The following GK5 variants were observed in gnomAD, a reference collection of about 807,000 sequenced individuals.
GK5 encodes glycerol kinase 5, also known as ATP:glycerol 3-phosphotransferase 5.
A neutral mutation model predicts 77.3 loss-of-function variants in GK5; 39 were observed. The ratio of observed to expected loss-of-function variants is 0.50; its 90% CI spans 0.39 to 0.66. The LOEUF is 0.66. GK5 is among the 30% of genes least tolerant of loss of function. The pLI, the probability that GK5 is intolerant of heterozygous loss-of-function variation, is 0.00. For synonymous variants in GK5, 211 were observed against 208.0 expected, an observed-to-expected ratio of 1.01 and a Z score of -0.13; for missense variants, 487 against 633.8, an observed-to-expected ratio of 0.77 and a Z score of 2.49.
chr3:142,190,085 T>C (rs2063827594), intron 5 of GK5, among the ~76,000 whole-genome samples: 2 of 152,022 alleles, frequency 1.3e-5, no homozygotes, highest in Non-Finnish European at 2.9e-5. Context: ...GCTAATTATA[T>C]GGGAAAAAAT....
chr3:142,199,043 T>A, intron 4 of GK5, 110 bp from the exon 5 acceptor site: 1 of 686,956 alleles, frequency 1.5e-6, no homozygotes, highest in Non-Finnish European at 2.3e-6. Flanking sequence ...TTTAACTACT[T>A]ATAATAGTGT....
At chr3:142,188,138 T>C (rs1370848479) in intron 5 of GK5, among the ~76,000 whole-genome samples, 1 of 152,178 alleles carries the variant, frequency 6.6e-6, no homozygotes, top group Non-Finnish European at 1.5e-5. Context: ...GGCTCACGCC[T>C]GTAATCCCAG....
intron 11 of GK5, among the ~76,000 whole-genome samples, chr3:142,180,389 A>G (rs1187881737): frequency 2.0e-5 from 3 of 147,736 alleles, no homozygotes; most frequent in African/African-American, 7.5e-5. Context: ...CACAACCTCC[A>G]CCTCCTGGGT....
intron 3 of GK5, among the ~76,000 whole-genome samples, chr3:142,208,875 C>T (rs7625231): frequency 0.042 from 6,409 of 152,214 alleles, 455 homozygotes; most frequent in African/African-American, 0.15. Flanking sequence ...AGAGGCCGGG[C>T]GTGGTGGCTC....
intron 11 of GK5, 77 bp from the exon 12 acceptor site, chr3:142,177,653 C>A (rs1045667180): frequency 3.6e-5 from 29 of 813,128 alleles, no homozygotes; most frequent in Non-Finnish European, 4.2e-6. Flanking sequence ...AATTATGTTA[C>A]ATGATAGTAT....
At chr3:142,184,819 G>C in intron 9 of GK5, 2 of 969,620 alleles carry the variant, frequency 2.1e-6, no homozygotes, top group Non-Finnish European at 2.5e-6. Context: ...TCCAGTCTGG[G>C]AGACAAGAGT....
At chr3:142,186,591 C>G in intron 6 of GK5, 78 bp from the exon 7 acceptor site, 1 of 556,068 alleles carries the variant, frequency 1.8e-6, no homozygotes, top group East Asian at 3.3e-5. Flanking sequence ...TAATATAGAC[C>G]TTTGTCTACC....
intron 5 of GK5, among the ~76,000 whole-genome samples, chr3:142,188,047 T>C (rs1473663819): frequency 6.6e-6 from 1 of 152,068 alleles, no homozygotes. Flanking sequence ...GTTACTTTTG[T>C]GTTTTTTGTT....
chr3:142,186,610 C>A (rs2063774889), intron 6 of GK5, 97 bp from the exon 7 acceptor site: 3 of 463,078 alleles, frequency 6.5e-6, no homozygotes, highest in Non-Finnish European at 1.1e-5. Context: ...CCCTCAAATT[C>A]ATTCCAAAAT....
chr3:142,206,869 T>A (rs1037189441), intron 3 of GK5, among the ~76,000 whole-genome samples: 4 of 152,158 alleles, frequency 2.6e-5, no homozygotes, highest in African/African-American at 9.7e-5. Context: ...ATTGGAAAAA[T>A]TATTCTTCAA....
At chr3:142,170,119 G>A in intron 15 of GK5, 1 of 648,300 alleles carries the variant, frequency 1.5e-6, no homozygotes, top group Non-Finnish European at 2.8e-6. Context: ...GACTGAAGGG[G>A]TGAGGTGAGG....
At chr3:142,211,796 C>T (rs952729173) in intron 3 of GK5, among the ~76,000 whole-genome samples, 2 of 152,020 alleles carry the variant, frequency 1.3e-5, no homozygotes, top group Non-Finnish European at 2.9e-5. Context: ...CCTCATCCCC[C>T]AAAAATGAAA....
At chr3:142,198,479 T>C (rs2063968835) in intron 5 of GK5, among the ~76,000 whole-genome samples, 1 of 152,084 alleles carries the variant, frequency 6.6e-6, no homozygotes, top group Non-Finnish European at 1.5e-5. Flanking sequence ...CCGGGCGTGG[T>C]GGCACGCGCC....
Position 142,177,580 on chromosome 3 carries a change from C to A in GK5, c.1049-4G>T. The stretch of plus-strand genomic sequence containing the variant: ...TCAGCAGCATCTGTGAAAAGGTCTG[C>A]AAAAACAAACAAACAACAAAAAACC... On this transcript the variant is annotated splice_polypyrimidine_tract_variant and splice_region_variant and intron_variant, in intron 11 of 15. Coordinates refer to ENST00000392993, the MANE Select transcript of GK5 (RefSeq NM_001039547.3). 6.4e-7 allele frequency: 1 copy of A among 1,571,352 alleles called. No homozygotes were observed. Among genetic ancestry groups the A allele is most frequent in the Non-Finnish European group, 8.7e-7 (1 of 1,149,572 alleles).
At chr3:142,208,054 C>T (rs1037525331) in intron 3 of GK5, among the ~76,000 whole-genome samples, 2 of 152,144 alleles carry the variant, frequency 1.3e-5, no homozygotes, top group Non-Finnish European at 2.9e-5. Context: ...ACACCTTCCA[C>T]GTTACATGCT....
chr3:142,165,640 A>C lies in GK5; in HGVS notation c.1572T>G (p.Asn524Lys), dbSNP rs2063465990. The C allele has an allele frequency of 3.1e-6, 5 of 1,610,910 alleles. No homozygotes were observed. Among genetic ancestry groups the C allele is most frequent in the Non-Finnish European group, 4.2e-6 (5 of 1,179,120 alleles). ...TTTAGTGTTATGTCTTGTTATACCA[A>C]TTCATGGAGCGTTTCACTGCTTTGG... ...NWAKAVKRSM[N>K]WYNKT The change falls in exon 16 of 16, where the codon AAT (asparagine) becomes AAG (lysine). Residue 524 changes from asparagine to lysine, a missense_variant. By Grantham distance (94) the Asn-to-Lys change is moderately conservative (BLOSUM62 0). Around this residue, in one of 4 missense-constraint regions of GK5, gnomAD observed 65 missense variants for 89.9 expected, o/e 0.72. Coordinates refer to ENST00000392993, the MANE Select transcript of GK5 (RefSeq NM_001039547.3).
intron 5 of GK5, among the ~76,000 whole-genome samples, chr3:142,188,476 G>C (rs2063805074): frequency 6.6e-6 from 1 of 152,178 alleles, no homozygotes; most frequent in Admixed American, 6.5e-5. Context: ...GGAGCTTGCA[G>C]TGAGCCGAGA....
At chr3:142,179,783 A>G (rs1238996646) in intron 11 of GK5, among the ~76,000 whole-genome samples, 1 of 152,206 alleles carries the variant, frequency 6.6e-6, no homozygotes, top group African/African-American at 2.4e-5. Context: ...CTTTCAGAGT[A>G]AGCACACTCC....
chr3:142,225,530 C>T lies in GK5; in HGVS notation c.-75G>A, dbSNP rs2064418618. ...TACAAATCCCAATGCTCCAGAGTCC[C>T]CGGGCGGCCCAACCCGGGCCCCAAC... On this transcript the variant is annotated 5_prime_UTR_variant, in exon 1 of 16. Coordinates refer to ENST00000392993, the MANE Select transcript of GK5 (RefSeq NM_001039547.3). 5.2e-6 allele frequency: 8 copies of T among 1,523,928 alleles called. No homozygotes were observed. The highest frequency in any genetic ancestry group is 3.6e-5 in the South Asian group (3 of 82,634). 94.4% of individuals were successfully genotyped at this position (1,523,928 alleles called of 1,614,324 possible).
Sources: gnomAD v4.1 joint callset for allele counts (sites outside exome capture counted in the v4.1 genomes callset) on GRCh38, gnomAD v4.1.1 for gene constraint, gnomAD v4.1.1 regional missense constraint, MANE v1.5 for transcripts, NCBI Gene and HGNC (gene_info 2026-07-23, HGNC 2026-07-21) for gene names.